The following TMEM132B variants were observed in gnomAD, a reference collection of about 807,000 sequenced individuals.
TMEM132B encodes transmembrane protein 132B.
TMEM132B carries 18 observed loss-of-function variants against 90.8 expected under a neutral mutation model. The observed-to-expected ratio is 0.20, with a 90% CI of 0.14 to 0.29. The LOEUF is 0.29. Ranked by LOEUF, TMEM132B falls within the 10% of genes least tolerant of loss-of-function variation. TMEM132B has a pLI of 1.00. For missense variants in TMEM132B, 1,096 were observed against 1,326.8 expected, an observed-to-expected ratio of 0.83 and a Z score of 2.70; for synonymous variants, 504 against 523.3, an observed-to-expected ratio of 0.96 and a Z score of 0.50.
chr12:125,472,768 CCCT>C (rs1336783574), intron 3 of TMEM132B, among the ~76,000 whole-genome samples: 2 of 152,106 alleles, frequency 1.3e-5, no homozygotes, highest in African/African-American at 4.8e-5. Flanking sequence ...GAGGAACGGG[CCCT>C]CTGGAGACAC....
At position 125,652,465 on chromosome 12, in the gene TMEM132B, A is replaced by T. The variant is rs1242403958; in HGVS notation, c.1939A>T (p.Ile647Phe). ...GGTCCTCTCGCCGTTGTCTGACTCC[A>T]TCCTGGCTGAGAAGACGGTGATTGT... The part of the protein sequence containing the change: ...VQVLSPLSDS[I>F]LAEKTVIVLD... Residue 647 changes from isoleucine to phenylalanine, a missense_variant, in exon 8 of 9, where the codon ATC becomes TTC. Physicochemically the swap from Ile to Phe is conservative, Grantham distance 21. Transcript: ENST00000682704. The T allele has an allele frequency of 1.9e-6, 3 of 1,609,806 alleles. No individual in the cohort carries two copies. The highest frequency in any genetic ancestry group is 2.5e-6 in the Non-Finnish European group (3 of 1,177,728).
At chr12:125,529,406 T>C (rs1883586126) in intron 4 of TMEM132B, among the ~76,000 whole-genome samples, 1 of 152,206 alleles carries the variant, frequency 6.6e-6, no homozygotes, top group Non-Finnish European at 1.5e-5. Flanking sequence ...CTGAAACTTA[T>C]TAAGTACCCA....
At position 125,407,884 on chromosome 12, in the gene TMEM132B, AACT is replaced by A. The variant is rs1217209656; in HGVS notation, c.960-7646_960-7644del. Among the ~76,000 whole-genome samples, 3 of 152,188 alleles carry A rather than the reference AACT, an allele frequency of 2.0e-5. No individual in the cohort carries two copies. The highest frequency in any genetic ancestry group is 2.0e-4 in the Admixed American group (3 of 15,280). ...GTTACAATGCACTTGCTCTGTTTTG[AACT>A]TCATATTGAACTGTAACCTACATGC... On this transcript the variant is annotated intron_variant, in intron 2 of 8. Transcript: ENST00000682704. This position sits in a 1 kb window ranked among gnomAD's most constrained non-coding sequence, Gnocchi z 6.7.
chr12:125,302,650 C>T (rs1187414405), intron 1 of TMEM132B, among the ~76,000 whole-genome samples: 1 of 152,078 alleles, frequency 6.6e-6, no homozygotes, highest in African/African-American at 2.4e-5. Context: ...GTGTTTTCCC[C>T]CTTCTTTAAA....
In TMEM132B at chr12:125,246,616, A is replaced by G. The variant is rs1311592109; in HGVS notation, c.67+59750A>G. ...CAAGTTCAGCGTCTCCAGCACACAC[A>G]GTGCCATTTAAAGAGGAAGCCCTGG... On this transcript the variant is annotated intron_variant, in intron 1 of 8. Coordinates refer to ENST00000682704, the MANE Select transcript of TMEM132B (RefSeq NM_001366854.1). This position sits in a 1 kb window ranked among gnomAD's most constrained non-coding sequence, Gnocchi z 4.2. 1.3e-5 allele frequency among the ~76,000 whole-genome samples: 2 copies of G among 152,236 alleles called. No homozygotes were observed. The highest frequency in any genetic ancestry group is 6.5e-5 in the Admixed American group (1 of 15,290).
chr12:125,589,296 C>A (rs982117103), intron 5 of TMEM132B, among the ~76,000 whole-genome samples: 7 of 151,938 alleles, frequency 4.6e-5, no homozygotes, highest in East Asian at 1.9e-4. Context: ...TCCTGGCTAA[C>A]ACGGTGAAAC....
chr12:125,444,238 C>T (rs754131026), intron 3 of TMEM132B, among the ~76,000 whole-genome samples: 4 of 152,128 alleles, frequency 2.6e-5, no homozygotes, highest in Admixed American at 2.0e-4. Context: ...AATTCAAGGT[C>T]ATTTTTGAAA....
At chr12:125,379,081 G>A (rs1878581876) in intron 2 of TMEM132B, among the ~76,000 whole-genome samples, 1 of 152,156 alleles carries the variant, frequency 6.6e-6, no homozygotes, top group Non-Finnish European at 1.5e-5. Flanking sequence ...TCATTTTCAG[G>A]TTAAGGAACT....
intron 4 of TMEM132B, among the ~76,000 whole-genome samples, chr12:125,572,236 T>C (rs1189866712): frequency 6.6e-6 from 1 of 152,230 alleles, no homozygotes; most frequent in Non-Finnish European, 1.5e-5. Flanking sequence ...TCTGTGTGTG[T>C]CTCCCAAAAT....
At chr12:125,463,432 C>G (rs1450616673) in intron 3 of TMEM132B, among the ~76,000 whole-genome samples, 1 of 152,136 alleles carries the variant, frequency 6.6e-6, no homozygotes, top group Non-Finnish European at 1.5e-5. Flanking sequence ...ATAGCTTTCC[C>G]CCTCTTTGTG....
chr12:125,528,747 G>A (rs1040273258), intron 4 of TMEM132B, among the ~76,000 whole-genome samples: 1 of 152,166 alleles, frequency 6.6e-6, no homozygotes, highest in Admixed American at 6.5e-5. Flanking sequence ...GACTACTGTT[G>A]ACTAGAAGCC....
intron 1 of TMEM132B, among the ~76,000 whole-genome samples, chr12:125,227,534 C>A (rs60396239): frequency 0.024 from 3,633 of 152,132 alleles, 153 homozygotes; most frequent in African/African-American, 0.084. Flanking sequence ...GAAATACCTG[C>A]TGGGCAGCAA....
At chr12:125,214,484 G>A (rs988524348) in intron 1 of TMEM132B, among the ~76,000 whole-genome samples, 1 of 152,116 alleles carries the variant, frequency 6.6e-6, no homozygotes, top group Non-Finnish European at 1.5e-5. Flanking sequence ...GACAATCCTT[G>A]GCCCAATCAT....
chr12:125,306,087 C>T (rs750654), intron 1 of TMEM132B, among the ~76,000 whole-genome samples: 1 of 152,162 alleles, frequency 6.6e-6, no homozygotes, highest in Non-Finnish European at 1.5e-5. Context: ...ATAAGCTTAG[C>T]TGGCCAACTG....
At chr12:125,195,474 C>T (rs1390008747) in intron 1 of TMEM132B, among the ~76,000 whole-genome samples, 1 of 145,744 alleles carries the variant, frequency 6.9e-6, no homozygotes, top group Admixed American at 7.0e-5. Context: ...TCTTGGCTCA[C>T]TGCAACCTCT....
chr12:125,353,229 C>G (rs1877652434), intron 2 of TMEM132B, among the ~76,000 whole-genome samples: 1 of 148,492 alleles, frequency 6.7e-6, no homozygotes, highest in Non-Finnish European at 1.5e-5. Flanking sequence ...CACTTCAGCA[C>G]TCCCTCTGCC....
At chr12:125,337,447 G>A (rs1877006238) in intron 1 of TMEM132B, among the ~76,000 whole-genome samples, 2 of 152,082 alleles carry the variant, frequency 1.3e-5, no homozygotes, top group African/African-American at 4.8e-5. Flanking sequence ...AGTGTTTCCT[G>A]CTTCTCACTG....
At chr12:125,585,748 A>C (rs1193537681) in intron 5 of TMEM132B, 1 of 152,118 alleles carries the variant, frequency 6.6e-6, no homozygotes, top group African/African-American at 2.4e-5. Flanking sequence ...TCATCCTCAT[A>C]GACGTTGTTT....
At chr12:125,433,680 C>T (rs1356008943) in intron 3 of TMEM132B, among the ~76,000 whole-genome samples, 1 of 112,334 alleles carries the variant, frequency 8.9e-6, no homozygotes, top group African/African-American at 3.5e-5. Context: ...CTCCCCCCAC[C>T]CATTATTCAC....
Sources: gnomAD v4.1 joint callset for allele counts (sites outside exome capture counted in the v4.1 genomes callset) on GRCh38, gnomAD v4.1.1 for gene constraint, Gnocchi (gnomAD v3.1) non-coding constraint, MANE v1.5 for transcripts, NCBI Gene and HGNC (gene_info 2026-07-23, HGNC 2026-07-21) for gene names.